DEFB118: variants seen among roughly 807,000 people sequenced by gnomAD.
DEFB118 encodes the protein defensin, beta 18.
DEFB118 carries 3 observed loss-of-function variants against 2.8 expected under a neutral mutation model. The observed-to-expected ratio is 1.09, with a 90% CI of 0.50 to 2.82. DEFB118 has a LOEUF of 2.82. DEFB118 is among the 30% of genes most tolerant of loss of function. The pLI is 0.04. For missense variants in DEFB118, 159 were observed against 144.6 expected, an observed-to-expected ratio of 1.10 and a Z score of -0.51; for synonymous variants, 63 against 53.5, an observed-to-expected ratio of 1.18 and a Z score of -0.78.
chr20:31,369,825 GA>G (rs1185863336), intron 1 of DEFB118, among the ~76,000 whole-genome samples: 4 of 152,120 alleles, frequency 2.6e-5, no homozygotes, highest in Non-Finnish European at 4.4e-5. Context: ...ATAGCCATTT[GA>G]GACATTTCTT....
At chr20:31,368,814 C>T in intron 1 of DEFB118, 106 bp downstream of exon 1, 1 of 1,067,934 alleles carries the variant, frequency 9.4e-7, no homozygotes, top group South Asian at 1.3e-5. Context: ...CTCCACAGTT[C>T]CCACACTGGG....
At chr20:31,370,177 T>G (rs572935268) in intron 1 of DEFB118, among the ~76,000 whole-genome samples, 1 of 152,272 alleles carries the variant, frequency 6.6e-6, no homozygotes, top group East Asian at 1.9e-4. Flanking sequence ...CTTCCTATGC[T>G]TGTGTTCCTA....
chr20:31,373,387 T>C lies in DEFB118; in HGVS notation c.*217T>C, dbSNP rs1469573989. 1 of 558,414 alleles carries C rather than the reference T, an allele frequency of 1.8e-6. No individual in the cohort carries two copies. The highest frequency in any genetic ancestry group is 3.1e-6 in the Non-Finnish European group (1 of 317,712). The allele number at this position is 558,414 out of a possible 1,614,324, so 34.6% of individuals were successfully genotyped here. A position where few individuals can be genotyped will look rare whatever the true frequency, so the allele number is the denominator to read the frequency against. ...AATGTCACATTATTTCCACAACAAGTTATAACCTATTTTTAGTATTTCTTG... is the reference window on the plus strand; with the variant it reads ...AATGTCACATTATTTCCACAACAAGCTATAACCTATTTTTAGTATTTCTTG... On this transcript the variant is annotated 3_prime_UTR_variant, in exon 2 of 2. Coordinates refer to ENST00000253381, the MANE Select transcript of DEFB118 (RefSeq NM_054112.3).
intron 1 of DEFB118, 22 bp downstream of exon 1, chr20:31,368,730 T>C: frequency 6.2e-7 from 1 of 1,610,772 alleles, no homozygotes; most frequent in Non-Finnish European, 8.5e-7. Flanking sequence ...TCAGGGAAGA[T>C]ACAAAAATAG....
chr20:31,373,003 T>G lies in DEFB118; in HGVS notation c.205T>G (p.Ser69Ala). 1 of 1,614,152 alleles carries G rather than the reference T, an allele frequency of 6.2e-7. No individual in the cohort carries two copies. Among genetic ancestry groups the G allele is most frequent in the South Asian group, 1.1e-5 (1 of 91,088 alleles). Residue 69 changes from serine (S) to alanine (A), a missense_variant, in exon 2 of 2, where the codon TCT becomes GCT. By Grantham distance (99) the Ser-to-Ala change is moderately conservative (BLOSUM62 1). Transcript: ENST00000253381. ...AGACCACAGGCGAGTTCCTGCGACA[T>G]CTCCCACACCCTTGAGTGACTCAAC... is the stretch of plus-strand genomic sequence containing the variant. Reference protein sequence around the residue: ...NEDHRRVPATSPTPLSDSTPG... With the variant: ...NEDHRRVPATAPTPLSDSTPG...
At chr20:31,371,411 T>C (rs1262784205) in intron 1 of DEFB118, among the ~76,000 whole-genome samples, 4 of 152,232 alleles carry the variant, frequency 2.6e-5, no homozygotes, top group Non-Finnish European at 5.9e-5. Context: ...ATAATGCTTA[T>C]AGTATGTATC....
At chr20:31,368,802 A>G in intron 1 of DEFB118, 94 bp downstream of exon 1, 1 of 1,214,080 alleles carries the variant, frequency 8.2e-7, no homozygotes, top group Non-Finnish European at 1.2e-6. Context: ...CAACATGGGC[A>G]GCTCCACAGT....
chr20:31,368,624 T>C lies in DEFB118; in HGVS notation c.-27T>C, dbSNP rs774325690. On this transcript the variant is annotated 5_prime_UTR_variant, in exon 1 of 2. Transcript: ENST00000253381. The stretch of plus-strand genomic sequence containing the variant: ...GCACACAGTATTCTGAACTCCTGGA[T>C]CTACCACCTCCTGCTTCCCAAGGAC... 4.3e-6 allele frequency: 7 copies of C among 1,612,660 alleles called. No individual in the cohort carries two copies. In the South Asian group the frequency reaches 4.4e-5, roughly 10 times the overall value.
At chr20:31,369,798 G>T (rs914444254) in intron 1 of DEFB118, among the ~76,000 whole-genome samples, 1 of 152,088 alleles carries the variant, frequency 6.6e-6, no homozygotes, top group Admixed American at 6.6e-5. Flanking sequence ...TGTAGGATAA[G>T]CCATATAAAG....
chr20:31,370,746 T>C (rs1986198095), intron 1 of DEFB118, among the ~76,000 whole-genome samples: 1 of 152,180 alleles, frequency 6.6e-6, no homozygotes, highest in Non-Finnish European at 1.5e-5. Context: ...TTGTGGTTGC[T>C]TTTTTGTATT....
chr20:31,373,246 C>G lies in DEFB118; in HGVS notation c.*76C>G. 1 of 1,294,174 alleles carries G rather than the reference C, an allele frequency of 7.7e-7. No homozygotes were observed. The highest frequency in any genetic ancestry group is 1.1e-6 in the Non-Finnish European group (1 of 931,486). The allele number at this position is 1,294,174 out of a possible 1,614,324, so 80.2% of individuals were successfully genotyped here. On this transcript the variant is annotated 3_prime_UTR_variant, in exon 2 of 2. Coordinates refer to ENST00000253381, the MANE Select transcript of DEFB118 (RefSeq NM_054112.3). Reference sequence around the variant, plus strand: ...ACATACAGATAAAGCACTGAAAACACCACAGTGACCCTCCCACCCCCCACC... The same window carrying G: ...ACATACAGATAAAGCACTGAAAACAGCACAGTGACCCTCCCACCCCCCACC...
Position 31,373,313 on chromosome 20 carries a change from C to A in DEFB118, c.*143C>A, listed in dbSNP as rs1322411347. The A allele has an allele frequency of 1.4e-6, 1 of 701,022 alleles. No homozygotes were observed. Among genetic ancestry groups the A allele is most frequent in the Non-Finnish European group, 2.3e-6 (1 of 433,210 alleles). The allele number at this position is 701,022 out of a possible 1,614,324, so 43.4% of individuals were successfully genotyped here. On this transcript the variant is annotated 3_prime_UTR_variant, in exon 2 of 2. Transcript: ENST00000253381. ...AATAGAAACAGCTGTGTAAAGAAGT[C>A]TAAAATTTTCACTATTTCCAATGAT... is the stretch of plus-strand genomic sequence containing the variant.
chr20:31,370,829 C>T (rs1986198999), intron 1 of DEFB118, among the ~76,000 whole-genome samples: 1 of 152,176 alleles, frequency 6.6e-6, no homozygotes, highest in South Asian at 2.1e-4. Flanking sequence ...CAGCTTGCTG[C>T]AACCTCTGCC....
chr20:31,372,940 T>C lies in DEFB118; in HGVS notation c.142T>C (p.Cys48Arg), dbSNP rs771947618. The change falls in exon 2 of 2, where the codon TGC (cysteine) becomes CGC (arginine). Residue 48 changes from cysteine (C) to arginine (R), a missense_variant. Coordinates refer to ENST00000253381, the MANE Select transcript of DEFB118 (RefSeq NM_054112.3). The stretch of plus-strand genomic sequence containing the variant: ...AGATGGAGAAGCAGTGAAAGATACA[T>C]GCAAAAATCTTCGAGCTTGCTGCAT... ...CKDGEAVKDT[C>R]KNLRACCIPS... The C allele has an allele frequency of 3.5e-5, 57 of 1,614,066 alleles. No homozygotes were observed. The highest frequency in any genetic ancestry group is 4.3e-5 in the Non-Finnish European group (51 of 1,180,038).
intron 1 of DEFB118, among the ~76,000 whole-genome samples, chr20:31,372,463 C>T (rs6087421): frequency 0.77 from 117,114 of 151,914 alleles, 45,567 homozygotes; most frequent in Non-Finnish European, 0.83. Flanking sequence ...GCAAGAGAAT[C>T]GCTTGAACCA....
At chr20:31,371,175 T>C (rs554625526) in intron 1 of DEFB118, among the ~76,000 whole-genome samples, 305 of 152,334 alleles carry the variant, frequency 2.0e-3, no homozygotes, top group Non-Finnish European at 3.4e-3. Context: ...AACTACCTTA[T>C]TGTTTTTCAG....
chr20:31,372,797 G>T (rs112861669), intron 1 of DEFB118, 60 bp from the exon 2 acceptor site: 5 of 1,320,624 alleles, frequency 3.8e-6, no homozygotes, highest in Middle Eastern at 1.8e-4. Flanking sequence ...ATACAGTCAT[G>T]CTAGTGAAAT....
rs1205039584 is a variant in DEFB118 at position 31,372,843 on chromosome 20, C to G, written c.59-14C>G. 1 of 1,605,696 alleles carries G rather than the reference C, an allele frequency of 6.2e-7. No individual in the cohort carries two copies. On this transcript the variant is annotated splice_polypyrimidine_tract_variant and intron_variant, in intron 1 of 1. Coordinates refer to ENST00000253381, the MANE Select transcript of DEFB118 (RefSeq NM_054112.3). ...AGTAACCCAAAATCAATGGTCTTTC[C>G]TTTTATTATTCAGCCTATAGTGGTG...
At chr20:31,370,745 C>G (rs149383725) in intron 1 of DEFB118, among the ~76,000 whole-genome samples, 97 of 152,120 alleles carry the variant, frequency 6.4e-4, no homozygotes, top group African/African-American at 2.3e-3. Context: ...GTTGTGGTTG[C>G]TTTTTTGTAT....
Sources: gnomAD v4.1 joint callset for allele counts (sites outside exome capture counted in the v4.1 genomes callset) on GRCh38, gnomAD v4.1.1 for gene constraint, MANE v1.5 for transcripts, NCBI Gene and HGNC (gene_info 2026-07-23, HGNC 2026-07-21) for gene names.